Variants in CRTAM observed in about 807,000 individuals in gnomAD.
CRTAM encodes the protein cytotoxic and regulatory T cell molecule.
A neutral mutation model predicts 50.0 loss-of-function variants in CRTAM; 44 were observed. The observed-to-expected ratio is 0.88, with a 90% CI of 0.69 to 1.13. The LOEUF (loss-of-function observed/expected upper bound fraction) is 1.13. Among genes scored for constraint, CRTAM ranks in the 50% most tolerant of loss-of-function variants. The pLI, the probability that CRTAM is intolerant of heterozygous loss-of-function variation, is 0.00. For synonymous variants in CRTAM, 159 were observed against 169.3 expected (o/e 0.94, Z 0.47); for missense variants, 448 against 457.5 (o/e 0.98, Z 0.19).
At chr11:122,858,587 T>C (rs1464262026) in intron 5 of CRTAM, among the ~76,000 whole-genome samples, 2 of 152,122 alleles carry the variant, frequency 1.3e-5, no homozygotes, top group South Asian at 4.1e-4. Context: ...TGGAGTGCTG[T>C]AGTGCAATCA....
chr11:122,862,274 C>A, intron 5 of CRTAM, 190 bp from the exon 6 acceptor site: 1 of 582,400 alleles, frequency 1.7e-6, no homozygotes, highest in Non-Finnish European at 3.1e-6. Flanking sequence ...GGCAGGTGAG[C>A]AGATGGACAC....
intron 7 of CRTAM, 71 bp downstream of exon 7, chr11:122,864,790 C>A: frequency 1.8e-6 from 2 of 1,102,294 alleles, no homozygotes; most frequent in Non-Finnish European, 2.8e-6. Context: ...ATTCAATGGC[C>A]TTTGTCAGTC....
At chr11:122,868,392 A>T (rs1862210140) in intron 9 of CRTAM, among the ~76,000 whole-genome samples, 2 of 152,096 alleles carry the variant, frequency 1.3e-5, no homozygotes, top group Admixed American at 1.3e-4. Flanking sequence ...GCCAGCGTTA[A>T]GTCCTGAAAT....
chr11:122,847,542 T>C (rs1393574345), intron 1 of CRTAM, among the ~76,000 whole-genome samples: 1 of 152,166 alleles, frequency 6.6e-6, no homozygotes, highest in East Asian at 1.9e-4. Flanking sequence ...GAAGAAGATC[T>C]GGGTGTTTTG....
chr11:122,866,929 T>A (rs941136205), intron 7 of CRTAM, among the ~76,000 whole-genome samples: 2 of 152,136 alleles, frequency 1.3e-5, no homozygotes, highest in Admixed American at 1.3e-4. Context: ...TTTCACAAGC[T>A]CATCTGATTT....
intron 5 of CRTAM, 98 bp from the exon 6 acceptor site, chr11:122,862,366 G>T: frequency 1.3e-6 from 1 of 787,938 alleles, no homozygotes. Context: ...TCTACAAGCA[G>T]GTAGCCGCTA....
In CRTAM at chr11:122,871,303, A is replaced by G; in HGVS notation, c.1086A>G (p.Thr362=). ...SHPMRCMNYI[T]KLYSEAKTKR... ...CTATGCGTTGCATGAACTACATCAC[A>G]AAGTTGTACTCAGAAGCAAAAACAA... The change falls in exon 10 of 10, where the codon ACA becomes ACG. Residue 362 remains threonine, a synonymous_variant. Transcript: ENST00000227348. 1 of 1,613,752 alleles carries G rather than the reference A, an allele frequency of 6.2e-7. No homozygotes were observed.
rs57422890 is a variant in CRTAM at position 122,872,171 on chromosome 11, G to C, written c.*772G>C. 77,812 of 152,042 alleles carry C rather than the reference G, an allele frequency of 0.51. 22,519 individuals carry two copies. The highest frequency in any genetic ancestry group is 0.68 in the Middle Eastern group (201 of 294). 9.4% of individuals were successfully genotyped at this position (152,042 alleles called of 1,614,324 possible). A position where few individuals can be genotyped will look rare whatever the true frequency, so the allele number is the denominator to read the frequency against. On this transcript the variant is annotated 3_prime_UTR_variant, in exon 10 of 10. Transcript: ENST00000227348. ...AGTTACTTCCAAGACAGACTTTTAAGATGTAACCAGCACAAAGCAATGTCA... is the reference window on the plus strand; with the variant it reads ...AGTTACTTCCAAGACAGACTTTTAACATGTAACCAGCACAAAGCAATGTCA...
intron 4 of CRTAM, among the ~76,000 whole-genome samples, chr11:122,855,414 T>C (rs1861992255): frequency 6.6e-6 from 1 of 152,244 alleles, no homozygotes; most frequent in Admixed American, 6.5e-5. Flanking sequence ...ATAACCAGAA[T>C]AAGGTCTTGG....
At chr11:122,854,110 T>C (rs576286483) in intron 4 of CRTAM, 24 bp downstream of exon 4, 6 of 1,605,498 alleles carry the variant, frequency 3.7e-6, no homozygotes, top group Middle Eastern at 1.7e-4. Context: ...TGGTTCTCTT[T>C]GTCTTCCTTC....
At chr11:122,838,630 A>T (rs1427860360) in intron 1 of CRTAM, 38 bp downstream of exon 1, 1 of 1,605,380 alleles carries the variant, frequency 6.2e-7, no homozygotes, top group Non-Finnish European at 8.5e-7. Context: ...TGCTCAGCTG[A>T]CTTAATGTTT....
At chr11:122,838,796 G>C (rs1266591085) in intron 1 of CRTAM, among the ~76,000 whole-genome samples, 4 of 152,116 alleles carry the variant, frequency 2.6e-5, no homozygotes, top group African/African-American at 9.7e-5. Flanking sequence ...TGGCTAAGGA[G>C]TATAGAAAGG....
At chr11:122,841,054 T>A (rs764408161) in intron 1 of CRTAM, among the ~76,000 whole-genome samples, 8 of 152,202 alleles carry the variant, frequency 5.3e-5, no homozygotes, top group Non-Finnish European at 7.4e-5. Context: ...TTTCATACTT[T>A]CTTTGCCCAG....
At chr11:122,857,145 G>A (rs1862017415) in intron 5 of CRTAM, among the ~76,000 whole-genome samples, 1 of 152,208 alleles carries the variant, frequency 6.6e-6, no homozygotes, top group Non-Finnish European at 1.5e-5. Context: ...AGCTCTGTAT[G>A]ACTCAAAATT....
In CRTAM at chr11:122,861,361, T is replaced by TAC. The variant is rs71057303; in HGVS notation, c.653-1089_653-1088dup. Among the ~76,000 whole-genome samples, 296 of 94,158 alleles carry TAC rather than the reference T, an allele frequency of 3.1e-3. 1 individual carries two copies. Among genetic ancestry groups the TAC allele is most frequent in the African/African-American group, 0.011 (256 of 24,308 alleles). 61.8% of individuals were successfully genotyped at this position (94,158 alleles called of 152,430 possible). A position where few individuals can be genotyped will look rare whatever the true frequency, so the allele number is the denominator to read the frequency against. On this transcript the variant is annotated intron_variant, in intron 5 of 9. Coordinates refer to ENST00000227348, the MANE Select transcript of CRTAM (RefSeq NM_019604.4). ...TGTGACGTGTCAGTATATATATATA[T>TAC]ACACACACACACACATACATATACG...
intron 5 of CRTAM, chr11:122,862,164 G>A: frequency 2.7e-6 from 1 of 364,742 alleles, no homozygotes; most frequent in East Asian, 4.4e-5. Context: ...AACAGACAGA[G>A]GGATTGATTG....
chr11:122,849,841 A>G (rs751900397), intron 1 of CRTAM, among the ~76,000 whole-genome samples: 2 of 152,102 alleles, frequency 1.3e-5, no homozygotes, highest in African/African-American at 2.4e-5. Flanking sequence ...TTCTGTCAAA[A>G]TCCTACCCCT....
chr11:122,864,588 A>G (rs374933883), intron 6 of CRTAM, 48 bp from the exon 7 acceptor site: 114 of 1,334,244 alleles, frequency 8.5e-5, no homozygotes, highest in Admixed American at 6.8e-5. Context: ...ATGTAGTCAC[A>G]TGTATATAAT....
At chr11:122,867,232 C>T (rs1165646665) in intron 7 of CRTAM, among the ~76,000 whole-genome samples, 177 bp from the exon 8 acceptor site, 1 of 151,998 alleles carries the variant, frequency 6.6e-6, no homozygotes, top group Non-Finnish European at 1.5e-5. Context: ...TTTGCTTGTT[C>T]TCAGAGAATG....
Sources: allele counts gnomAD v4.1 joint callset (sites outside exome capture counted in the v4.1 genomes callset), GRCh38; gene constraint gnomAD v4.1.1; transcripts MANE v1.5; gene names NCBI Gene and HGNC (gene_info 2026-07-23, HGNC 2026-07-21).